CDK18: variants seen among roughly 807,000 people sequenced by gnomAD.
The protein encoded by CDK18 is cyclin-dependent kinase 18.
CDK18 carries 52 observed loss-of-function variants against 62.0 expected under a neutral mutation model. That is an observed-to-expected ratio of 0.84 (90% CI 0.67 to 1.06). The LOEUF is 1.06. Among genes scored for constraint, CDK18 ranks in the 50% least tolerant of loss-of-function variants. The pLI is 0.00. For synonymous variants in CDK18, 237 were observed against 247.0 expected, an observed-to-expected ratio of 0.96 and a Z score of 0.38; for missense variants, 604 against 619.9, an observed-to-expected ratio of 0.97 and a Z score of 0.27.
At chr1:205,522,335 G>C (rs930012472) in intron 1 of CDK18, 1 of 152,196 alleles carries the variant, frequency 6.6e-6, no homozygotes, top group African/African-American at 2.4e-5. Flanking sequence ...CCTGCTTGGA[G>C]GGCTCTGGCA....
chr1:205,514,044 G>A (rs893740095), intron 1 of CDK18, among the ~76,000 whole-genome samples: 2 of 152,222 alleles, frequency 1.3e-5, no homozygotes, highest in African/African-American at 4.8e-5. Flanking sequence ...CAGGCTTTGG[G>A]TCAGGCTCTG....
At chr1:205,506,175 C>T (rs1199508754) in intron 1 of CDK18, among the ~76,000 whole-genome samples, 1 of 152,122 alleles carries the variant, frequency 6.6e-6, no homozygotes, top group African/African-American at 2.4e-5. Flanking sequence ...TGCTGAGGGT[C>T]GGTGGAGTAC....
chr1:205,525,248 G>GTCTGCCCCTCCTCCA, intron 5 of CDK18, 53 bp downstream of exon 5: 1 of 1,410,370 alleles, frequency 7.1e-7, no homozygotes, highest in Non-Finnish European at 9.9e-7. Flanking sequence ...TGGCTTGGAG[G>GTCTGCCCCTCCTCCA]AGGGGCAGAC....
At chr1:205,511,210 T>C (rs1667552597) in intron 1 of CDK18, among the ~76,000 whole-genome samples, 1 of 152,284 alleles carries the variant, frequency 6.6e-6, no homozygotes, top group African/African-American at 2.4e-5. Context: ...TAAAGTTTTG[T>C]GACCCTTAAA....
At position 205,525,122 on chromosome 1, in the gene CDK18, A is replaced by G. The variant is rs749146099; in HGVS notation, c.400-17A>G. Reference sequence around the variant, plus strand: ...AAGGGCTTCAAGCTCACGGCATTCTATGTCTCTCCCTCTCAGTCAGACATT... The same window carrying G: ...AAGGGCTTCAAGCTCACGGCATTCTGTGTCTCTCCCTCTCAGTCAGACATT... On this transcript the variant is annotated splice_polypyrimidine_tract_variant and intron_variant, in intron 4 of 15. Coordinates refer to ENST00000429964, the MANE Select transcript of CDK18 (RefSeq NM_212502.3). 8.8e-6 allele frequency: 14 copies of G among 1,599,366 alleles called. No individual in the cohort carries two copies. The highest frequency in any genetic ancestry group is 1.7e-4 in the Middle Eastern group (1 of 6,034).
At position 205,530,369 on chromosome 1, in the gene CDK18, G is replaced by A. The variant is rs776906010; in HGVS notation, c.1312+20G>A. 1 of 1,606,012 alleles carries A rather than the reference G, an allele frequency of 6.2e-7. No homozygotes were observed. The highest frequency in any genetic ancestry group is 8.5e-7 in the Non-Finnish European group (1 of 1,175,746). ...AAGACAGTGAGTACTGGGGGTCCGG[G>A]AGCAGGGCCACCCAGAACCAAGGAA... is the stretch of plus-strand genomic sequence containing the variant. On this transcript the variant is annotated intron_variant, in intron 14 of 15. Coordinates refer to ENST00000429964, the MANE Select transcript of CDK18 (RefSeq NM_212502.3).
At chr1:205,515,471 C>T (rs1667775062) in intron 1 of CDK18, among the ~76,000 whole-genome samples, 2 of 152,192 alleles carry the variant, frequency 1.3e-5, no homozygotes, top group African/African-American at 4.8e-5. Flanking sequence ...GCCACCGCGC[C>T]TAGCCACTTT....
intron 1 of CDK18, among the ~76,000 whole-genome samples, chr1:205,508,943 G>A (rs1036891015): frequency 2.6e-5 from 4 of 151,890 alleles, no homozygotes; most frequent in African/African-American, 9.7e-5. Context: ...GAGGCCAGGA[G>A]TTTGAGACCA....
rs147252051 is a variant in CDK18 at position 205,521,028 on chromosome 1, G to A, written c.-21-2119G>A. 3.6e-3 allele frequency among the ~76,000 whole-genome samples: 554 copies of A among 152,300 alleles called. 2 individuals are homozygous for A. The highest frequency in any genetic ancestry group is 0.013 in the African/African-American group (538 of 41,572). The stretch of plus-strand genomic sequence containing the variant: ...TGACAGGAAGGAGTTTAGGGATGGG[G>A]AGTCAGGAAAGTCCAAGGCTGGTGG... On this transcript the variant is annotated intron_variant, in intron 1 of 15. Coordinates refer to ENST00000429964, the MANE Select transcript of CDK18 (RefSeq NM_212502.3).
chr1:205,512,509 T>C (rs775303412), intron 1 of CDK18, among the ~76,000 whole-genome samples: 1 of 152,186 alleles, frequency 6.6e-6, no homozygotes, highest in Non-Finnish European at 1.5e-5. Context: ...GTTGAACAAC[T>C]ATGAGATGTT....
In CDK18 at chr1:205,527,019, A is replaced by G; in HGVS notation, c.729+182A>G. On this transcript the variant is annotated intron_variant, in intron 8 of 15. Transcript: ENST00000429964. The surrounding 1 kb of genome is among the most constrained non-coding windows in gnomAD (Gnocchi z 4.1). Reference sequence around the variant, plus strand: ...GGAACTGGGTTGAGCGCTTTACCCCAAGAACAGACACACACTGTCTGCCAC... The same window carrying G: ...GGAACTGGGTTGAGCGCTTTACCCCGAGAACAGACACACACTGTCTGCCAC... 1 of 606,094 alleles carries G rather than the reference A, an allele frequency of 1.6e-6. No homozygotes were observed. Among genetic ancestry groups the G allele is most frequent in the Non-Finnish European group, 3.0e-6 (1 of 334,582 alleles). 37.5% of individuals were successfully genotyped at this position (606,094 alleles called of 1,614,324 possible).
rs754247037 is a variant in CDK18, at chr1:205,527,840, G to A, written c.776G>A (p.Arg259His). 130 of 1,613,850 alleles carry A rather than the reference G, an allele frequency of 8.1e-5. No individual in the cohort carries two copies. The East Asian group carries it at 2.1e-3, about 27-fold the overall frequency. The change falls in exon 9 of 16, where the codon CGC (arginine) becomes CAC (histidine). Residue 259 changes from arginine (R) to histidine (H), a missense_variant. By Grantham distance (29) the Arg-to-His change is conservative. Coordinates refer to ENST00000429964, the MANE Select transcript of CDK18 (RefSeq NM_212502.3). The surrounding 1 kb of genome is among the most constrained non-coding windows in gnomAD (Gnocchi z 4.1). The part of the protein sequence containing the change: ...LLRGLAYCHH[R>H]KILHRDLKPQ... The stretch of plus-strand genomic sequence containing the variant: ...CGGGGCCTCGCCTACTGTCACCACC[G>A]CAAGATCCTGCACCGGGACCTGAAG...
chr1:205,526,534 G>A, intron 7 of CDK18, 73 bp downstream of exon 7: 1 of 1,264,248 alleles, frequency 7.9e-7, no homozygotes, highest in Non-Finnish European at 1.2e-6. Flanking sequence ...GGAGTGGGAA[G>A]CTGAGGGAGT....
At position 205,528,854 on chromosome 1, in the gene CDK18, C is replaced by G. The variant is rs1032698587; in HGVS notation, c.975-145C>G. ...GGGGGCTGGGCAGTTCTAGGAGCCT[C>G]CACTGCCCTGGGCCACCCCTCCGCC... On this transcript the variant is annotated intron_variant, in intron 10 of 15. Transcript: ENST00000429964. This position sits in a 1 kb window ranked among gnomAD's most constrained non-coding sequence, Gnocchi z 4.2. The G allele has an allele frequency of 1.7e-6, 1 of 589,602 alleles. No homozygotes were observed. Among genetic ancestry groups the G allele is most frequent in the African/African-American group, 1.9e-5 (1 of 53,710 alleles). 36.5% of individuals were successfully genotyped at this position (589,602 alleles called of 1,614,324 possible).
chr1:205,525,630 T>C (rs557961092), intron 5 of CDK18, among the ~76,000 whole-genome samples: 1 of 152,292 alleles, frequency 6.6e-6, no homozygotes, highest in East Asian at 1.9e-4. Flanking sequence ...AATCAGCTTA[T>C]GTACGGCACA....
chr1:205,526,472 G>T lies in CDK18; in HGVS notation c.666+11G>T, dbSNP rs376692846. The T allele has an allele frequency of 5.6e-6, 9 of 1,599,804 alleles. No homozygotes were observed. The African/African-American group carries it at 8.0e-5, about 14-fold the overall frequency. On this transcript the variant is annotated intron_variant, in intron 7 of 15. Transcript: ENST00000429964. ...GTGTTTGAGTACCTGGTGAGAGTCCGGCTGGGGCTGGCCGCCTCTCCCTCT... is the reference window on the plus strand; with the variant it reads ...GTGTTTGAGTACCTGGTGAGAGTCCTGCTGGGGCTGGCCGCCTCTCCCTCT...
Position 205,523,244 on chromosome 1 carries a change from C to A in CDK18, c.77C>A (p.Ser26Tyr), listed in dbSNP as rs1230953086. ...CCCCGCACTGAGACCATTGAAGAATCCTTGGCTGAATTCACGGAGCAATTC... is the reference window on the plus strand; with the variant it reads ...CCCCGCACTGAGACCATTGAAGAATACTTGGCTGAATTCACGGAGCAATTC... ...SVPRTETIEE[S>Y]LAEFTEQFNQ... The change falls in exon 2 of 16, where the codon TCC becomes TAC. Residue 26 changes from serine (S) to tyrosine (Y), a missense_variant. Transcript: ENST00000429964. 1 of 1,614,154 alleles carries A rather than the reference C, an allele frequency of 6.2e-7. No individual in the cohort carries two copies. The highest frequency in any genetic ancestry group is 1.7e-5 in the Admixed American group (1 of 60,030).
intron 13 of CDK18, 42 bp from the exon 14 acceptor site, chr1:205,530,217 G>GC (rs758677426): frequency 2.5e-6 from 4 of 1,605,576 alleles, no homozygotes; most frequent in East Asian, 2.2e-5. Flanking sequence ...AGGGTTTGCA[G>GC]CCCCCCAGCC....
chr1:205,508,325 C>A (rs531815124), intron 1 of CDK18, among the ~76,000 whole-genome samples: 2 of 152,346 alleles, frequency 1.3e-5, no homozygotes, highest in South Asian at 2.1e-4. Context: ...GCTCCCACAG[C>A]TGCTTACACA....
Sources: gnomAD v4.1 joint callset for allele counts (sites outside exome capture counted in the v4.1 genomes callset) on GRCh38, gnomAD v4.1.1 for gene constraint, Gnocchi (gnomAD v3.1) non-coding constraint, MANE v1.5 for transcripts, NCBI Gene and HGNC (gene_info 2026-07-23, HGNC 2026-07-21) for gene names.